The following TUBGCP5 variants were observed in gnomAD, a reference collection of about 807,000 sequenced individuals.
TUBGCP5 encodes tubulin gamma complex component 5, also known as gamma-tubulin complex component 5.
A neutral mutation model predicts 134.7 loss-of-function variants in TUBGCP5; 98 were observed. That is an observed-to-expected ratio of 0.73 (90% confidence interval 0.62 to 0.86). The LOEUF is 0.86. Among genes scored for constraint, TUBGCP5 ranks in the 40% least tolerant of loss-of-function variants. The pLI is 0.00. For synonymous variants in TUBGCP5, 456 were observed against 431.4 expected, an observed-to-expected ratio of 1.06 and a Z score of -0.71; for missense variants, 1,150 against 1,244.8, an observed-to-expected ratio of 0.92 and a Z score of 1.15.
At chr15:23,034,898 A>C (rs962832457) in intron 3 of TUBGCP5, among the ~76,000 whole-genome samples, 3 of 152,070 alleles carry the variant, frequency 2.0e-5, no homozygotes, top group Non-Finnish European at 4.4e-5. Context: ...AAAACCAAAA[A>C]CTGATTCGCT....
intron 11 of TUBGCP5, among the ~76,000 whole-genome samples, chr15:23,021,342 A>C (rs2065680606): frequency 6.6e-6 from 1 of 151,962 alleles, no homozygotes; most frequent in African/African-American, 2.4e-5. Flanking sequence ...TATTTTAAAA[A>C]ATTTTAATTT....
At chr15:23,030,779 A>G (rs774437843) in intron 6 of TUBGCP5, 106 bp downstream of exon 6, 51 of 1,370,388 alleles carry the variant, frequency 3.7e-5, no homozygotes, top group Middle Eastern at 3.9e-4. Flanking sequence ...TAAGGATGGT[A>G]GAGCTTAGCC....
At chr15:22,996,021 C>T (rs74497129), downstream of TUBGCP5, among the ~76,000 whole-genome samples, 722 of 152,286 alleles carry the variant, frequency 4.7e-3, 9 homozygotes, top group South Asian at 0.012. Context: ...ATCCATCTAC[C>T]TCTTCACCGT....
At chr15:23,003,546 GTAACGCAGAGTGAGTGTTGACTATCACAC>G (rs944996992) in intron 20 of TUBGCP5, among the ~76,000 whole-genome samples, 10 of 150,844 alleles carry the variant, frequency 6.6e-5, no homozygotes, top group Non-Finnish European at 1.2e-4. Context: ...GAATCCAAGA[GTAACGCAGAGTGAGTGTTGACTATCACAC>G]ATAGTTCTCA....
In TUBGCP5 at chr15:23,017,953, T is replaced by C; in HGVS notation, c.1576A>G (p.Lys526Glu). 6.2e-7 allele frequency: 1 copy of C among 1,614,230 alleles called. No individual in the cohort carries two copies. The highest frequency in any genetic ancestry group is 1.1e-5 in the South Asian group (1 of 91,086). The change falls in exon 13 of 23, where the codon AAA (lysine) becomes GAA (glutamate). Residue 526 changes from lysine (K) to glutamate (E), a missense_variant. By Grantham distance (56) the Lys-to-Glu change is moderately conservative (BLOSUM62 1). Coordinates refer to ENST00000615383, the MANE Select transcript of TUBGCP5 (RefSeq NM_052903.6). ...SVSEKTENEE[K>E]MSDNASASSG... The stretch of plus-strand genomic sequence containing the variant: ...CTCGCACTAGCGTTATCACTCATTT[T>C]TTCTTCATTTTCTGTCTTTTCTGAT...
intron 5 of TUBGCP5, 110 bp from the exon 6 acceptor site, chr15:23,031,130 T>C: frequency 8.4e-7 from 1 of 1,197,132 alleles, no homozygotes; most frequent in East Asian, 2.6e-5. Context: ...TGAAGCAACA[T>C]GGAACAGAAA....
chr15:22,990,932 T>G (rs550249752), intron 23 of TUBGCP5, among the ~76,000 whole-genome samples: 1 of 152,214 alleles, frequency 6.6e-6, no homozygotes, highest in East Asian at 1.9e-4. Context: ...CCCCAGAAAC[T>G]GGGGAGGCAA....
chr15:22,983,888 C>T (rs370972190), intron 23 of TUBGCP5, among the ~76,000 whole-genome samples: 4 of 151,908 alleles, frequency 2.6e-5, no homozygotes, highest in South Asian at 2.1e-4. Context: ...TTTGGGAGGC[C>T]GAGGCAGTGG....
At position 23,022,040 on chromosome 15, in the gene TUBGCP5, G is replaced by C; in HGVS notation, c.1290C>G (p.Val430=). Residue 430 remains valine (V), a synonymous_variant, in exon 11 of 23, where the codon GTC becomes GTG. Transcript: ENST00000615383. ...VAEVPPDTRN[V]VRASHLLNTL... ...TGTTAAGCAGGTGAGAGGCCCGGAC[G>C]ACATTTCGAGTATCAGGTGGAACTT... 6.2e-7 allele frequency: 1 copy of C among 1,614,140 alleles called. No homozygotes were observed. The highest frequency in any genetic ancestry group is 2.2e-5 in the East Asian group (1 of 44,888).
At chr15:23,019,510 C>T (rs1595874248) in intron 11 of TUBGCP5, 176 bp from the exon 12 acceptor site, 2 of 582,054 alleles carry the variant, frequency 3.4e-6, no homozygotes, top group East Asian at 2.9e-5. Flanking sequence ...GAAAAACTCA[C>T]CTAAATGCCG....
At chr15:23,039,135 G>A (rs946824758) in intron 1 of TUBGCP5, among the ~76,000 whole-genome samples, 1 of 152,018 alleles carries the variant, frequency 6.6e-6, no homozygotes, top group African/African-American at 2.4e-5. Context: ...CGCGCGCGCC[G>A]GCCGGCAAGA....
chr15:23,011,031 A>AG (rs1329755558), intron 14 of TUBGCP5, 102 bp downstream of exon 14: 4 of 1,126,858 alleles, frequency 3.5e-6, no homozygotes, highest in Non-Finnish European at 5.2e-6. Context: ...ATAGCCTACA[A>AG]GAGTTTTTGT....
At chr15:22,988,628 C>T (rs376896479) in intron 23 of TUBGCP5, among the ~76,000 whole-genome samples, 87 of 149,790 alleles carry the variant, frequency 5.8e-4, no homozygotes, top group South Asian at 5.5e-3. Context: ...CCCAGCTACT[C>T]GGGAGGCTGA....
chr15:23,035,326 T>G (rs1319888340), intron 3 of TUBGCP5, among the ~76,000 whole-genome samples: 1 of 54,608 alleles, frequency 1.8e-5, no homozygotes. Flanking sequence ...TGACACTCAG[T>G]CTTAAAAAAA....
chr15:23,028,260 G>A (rs2066094455), intron 6 of TUBGCP5, among the ~76,000 whole-genome samples: 1 of 151,496 alleles, frequency 6.6e-6, no homozygotes, highest in African/African-American at 2.4e-5. Context: ...TGCACTGGAA[G>A]CCCCAGCTTC....
At chr15:23,017,627 C>T in intron 13 of TUBGCP5, 146 bp downstream of exon 13, 1 of 762,152 alleles carries the variant, frequency 1.3e-6, no homozygotes. Flanking sequence ...AGCATGGTTA[C>T]TAATTCAACC....
intron 13 of TUBGCP5, among the ~76,000 whole-genome samples, chr15:23,017,034 C>T (rs769824728): frequency 2.8e-5 from 4 of 141,078 alleles, no homozygotes; most frequent in Non-Finnish European, 6.1e-5. Context: ...TTTGCAGCAA[C>T]ACTGATGGAA....
In TUBGCP5 at chr15:23,032,111, A is replaced by G. The variant is rs1208758873; in HGVS notation, c.407-82T>C. The G allele has an allele frequency of 4.3e-6, 4 of 925,738 alleles. No homozygotes were observed. In the African/African-American group the frequency reaches 6.7e-5, roughly 15 times the overall value. 57.3% of individuals were successfully genotyped at this position (925,738 alleles called of 1,614,324 possible). On this transcript the variant is annotated intron_variant, in intron 4 of 22. Coordinates refer to ENST00000615383, the MANE Select transcript of TUBGCP5 (RefSeq NM_052903.6). ...CCTCAAAACTAAGGAAAAAAGACTAACAAGACTCAAAATACTCAGGAAATA... is the reference window on the plus strand; with the variant it reads ...CCTCAAAACTAAGGAAAAAAGACTAGCAAGACTCAAAATACTCAGGAAATA...
intron 14 of TUBGCP5, 37 bp downstream of exon 14, chr15:23,011,096 C>CATTTCA (rs1318944699): frequency 6.3e-7 from 1 of 1,599,070 alleles, no homozygotes; most frequent in Non-Finnish European, 8.6e-7. Flanking sequence ...CAAATGATGC[C>CATTTCA]ATTTCAATTA....
Sources: allele counts gnomAD v4.1 joint callset (sites outside exome capture counted in the v4.1 genomes callset), GRCh38; gene constraint gnomAD v4.1.1; transcripts MANE v1.5; gene names NCBI Gene and HGNC (gene_info 2026-07-23, HGNC 2026-07-21).